Variants in TULP4 observed in about 807,000 individuals in gnomAD.
The protein encoded by TULP4 is tubby-related protein 4.
Under a neutral mutation model 129.0 loss-of-function variants are expected in TULP4, and 16 were observed. The observed-to-expected ratio is 0.12, with a 90% CI of 0.08 to 0.19. TULP4 has a LOEUF of 0.19. TULP4 is among the 10% of genes least tolerant of loss of function. The pLI is 1.00. For missense variants in TULP4, 1,842 were observed against 2,059.1 expected (o/e 0.89, Z 2.04); for synonymous variants, 998 against 854.0 (o/e 1.17, Z -2.94).
At chr6:158,397,624 C>A (rs1777748460) in intron 1 of TULP4, among the ~76,000 whole-genome samples, 1 of 151,792 alleles carries the variant, frequency 6.6e-6, no homozygotes. Flanking sequence ...CAAGACAATT[C>A]TTCTTCCAGT....
rs750067930 is a variant in TULP4 at position 158,481,118 on chromosome 6, C to T, written c.1315C>T (p.Arg439Trp). Residue 439 changes from arginine (R) to tryptophan (W), a missense_variant, in exon 8 of 14, where the codon CGG becomes TGG. Transcript: ENST00000367097. ...CAGCTACCCATCAGCCGGCAACGAG[C>T]GGCTGCACTGCACCATGAAGCGCAC... ...FVSYPSAGNE[R>W]LHCTMKRTED... is the part of the protein sequence containing the mutation. 9 of 1,604,948 alleles carry T rather than the reference C, an allele frequency of 5.6e-6. No homozygotes were observed. The Admixed American group carries it at 6.7e-5, about 12-fold the overall frequency.
At chr6:158,349,753 G>T (rs1251366045) in intron 1 of TULP4, among the ~76,000 whole-genome samples, 2 of 144,828 alleles carry the variant, frequency 1.4e-5, no homozygotes. Flanking sequence ...CCCAGACGGG[G>T]TGGCTGGGCA....
chr6:158,261,387 A>G (rs538838040), intron 1 of TULP4, among the ~76,000 whole-genome samples: 14 of 152,340 alleles, frequency 9.2e-5, no homozygotes, highest in African/African-American at 3.4e-4. Context: ...CTACAAGTAC[A>G]CTTTTTCCTT....
chr6:158,399,245 A>G (rs1351935275), intron 1 of TULP4, among the ~76,000 whole-genome samples: 3 of 152,192 alleles, frequency 2.0e-5, no homozygotes, highest in Non-Finnish European at 4.4e-5. Context: ...GGCAGTTTTC[A>G]TCTCACTTGT....
At position 158,334,267 on chromosome 6, in the gene TULP4, T is replaced by C. The variant is rs543682475; in HGVS notation, c.252+19999T>C. ...TACAAGAAAAAGTTGAATTACTTGA[T>C]AGGTGCTGGAGACAGGTCTGCAGCT... On this transcript the variant is annotated intron_variant, in intron 1 of 13. Transcript: ENST00000367097. Among the ~76,000 whole-genome samples the C allele has an allele frequency of 8.3e-4, 126 of 152,318 alleles. 1 individual carries two copies. The highest frequency in any genetic ancestry group is 2.8e-3 in the African/African-American group (115 of 41,574).
intron 8 of TULP4, among the ~76,000 whole-genome samples, chr6:158,483,923 G>GTT (rs111713315): frequency 3.0e-3 from 429 of 144,600 alleles, no homozygotes; most frequent in African/African-American, 9.3e-3. Context: ...AGTCCCAGTA[G>GTT]TTTTTTTTTT....
rs143405994 is a variant in TULP4, at chr6:158,448,413, CTTAAA to C, written c.544-578_544-574del. On this transcript the variant is annotated intron_variant, in intron 3 of 13. Coordinates refer to ENST00000367097, the MANE Select transcript of TULP4 (RefSeq NM_020245.5). ...AATATTTTAATACCATGACTACATC[CTTAAA>C]TTAATTATAAATTAATACATTAATA... 5.5e-3 allele frequency among the ~76,000 whole-genome samples: 845 copies of C among 152,272 alleles called. 11 individuals are homozygous for C. The highest frequency in any genetic ancestry group is 0.019 in the African/African-American group (782 of 41,544).
intron 1 of TULP4, among the ~76,000 whole-genome samples, chr6:158,359,238 T>A (rs983723778): frequency 6.6e-6 from 1 of 152,100 alleles, no homozygotes; most frequent in Non-Finnish European, 1.5e-5. Flanking sequence ...AAACACCCCC[T>A]TTTGAAAGGA....
intron 8 of TULP4, among the ~76,000 whole-genome samples, chr6:158,486,714 C>T (rs1780079693): frequency 6.6e-6 from 1 of 152,150 alleles, no homozygotes; most frequent in Non-Finnish European, 1.5e-5. Flanking sequence ...ATTATTGGAG[C>T]CACCCAAGTC....
intron 1 of TULP4, among the ~76,000 whole-genome samples, chr6:158,259,222 G>A (rs1247211012): frequency 6.6e-6 from 1 of 152,144 alleles, no homozygotes; most frequent in East Asian, 1.9e-4. Context: ...CTGTTAGAAG[G>A]CCCTTTTCTA....
intron 6 of TULP4, among the ~76,000 whole-genome samples, chr6:158,470,731 C>G (rs990424980): frequency 6.6e-6 from 1 of 152,216 alleles, no homozygotes; most frequent in Non-Finnish European, 1.5e-5. Context: ...CAAAAATGGT[C>G]TCACTAGAAT....
At chr6:158,286,723 A>T (rs910761099) in intron 1 of TULP4, among the ~76,000 whole-genome samples, 1 of 152,206 alleles carries the variant, frequency 6.6e-6, no homozygotes, top group Non-Finnish European at 1.5e-5. Context: ...TTTATTGTTT[A>T]ATTATGCTCT....
chr6:158,302,979 T>A (rs1455096186), intron 1 of TULP4, among the ~76,000 whole-genome samples: 3 of 150,444 alleles, frequency 2.0e-5, no homozygotes, highest in Non-Finnish European at 3.0e-5. Flanking sequence ...TATATGTTAG[T>A]GGGATGTTTA....
chr6:158,381,678 G>A (rs1268825704), intron 1 of TULP4, among the ~76,000 whole-genome samples: 1 of 152,180 alleles, frequency 6.6e-6, no homozygotes, highest in African/African-American at 2.4e-5. Flanking sequence ...GCTGTGTAGG[G>A]TGGATTTTGC....
chr6:158,446,746 A>G (rs1583885653), intron 3 of TULP4, among the ~76,000 whole-genome samples: 2 of 152,112 alleles, frequency 1.3e-5, no homozygotes, highest in African/African-American at 4.8e-5. Context: ...GTGCCAGCCA[A>G]TTTGGTTCCT....
At chr6:158,482,896 G>A (rs1314198541) in intron 8 of TULP4, among the ~76,000 whole-genome samples, 2 of 152,154 alleles carry the variant, frequency 1.3e-5, no homozygotes, top group Non-Finnish European at 2.9e-5. Context: ...ACCCGACTAC[G>A]CCAAATGCCT....
At chr6:158,237,025 G>A (rs981794496) in intron 1 of TULP4, among the ~76,000 whole-genome samples, 2 of 151,586 alleles carry the variant, frequency 1.3e-5, no homozygotes, top group East Asian at 3.9e-4. Context: ...TGGCCAGGCT[G>A]GTCTCAAACT....
At chr6:158,359,586 T>A (rs1251218677) in intron 1 of TULP4, among the ~76,000 whole-genome samples, 1 of 152,110 alleles carries the variant, frequency 6.6e-6, no homozygotes, top group Non-Finnish European at 1.5e-5. Context: ...TTCTGCCTGC[T>A]TTTTATTCTG....
chr6:158,242,114 G>T, intron 1 of TULP4: 1 of 854,444 alleles, frequency 1.2e-6, no homozygotes, highest in Non-Finnish European at 2.0e-6. Flanking sequence ...TGACCCTGAA[G>T]CTGCAGAATA....
Sources: gnomAD v4.1 joint callset for allele counts (sites outside exome capture counted in the v4.1 genomes callset) on GRCh38, gnomAD v4.1.1 for gene constraint, MANE v1.5 for transcripts, NCBI Gene and HGNC (gene_info 2026-07-23, HGNC 2026-07-21) for gene names.